Variants in PTPRG observed in about 807,000 individuals in gnomAD.
PTPRG encodes the protein protein tyrosine phosphatase receptor type G, also known as receptor-type tyrosine-protein phosphatase gamma.
In PTPRG, 102 loss-of-function variants were observed where a neutral mutation model predicts 165.3. That is an observed-to-expected ratio of 0.62 (90% confidence interval 0.53 to 0.73). The LOEUF is 0.73. Ranked by LOEUF, PTPRG falls within the 30% of genes least tolerant of loss-of-function variation. The pLI is 0.00. For synonymous variants in PTPRG, 675 were observed against 669.5 expected, an observed-to-expected ratio of 1.01 and a Z score of -0.13; for missense variants, 1,866 against 1,861.4, an observed-to-expected ratio of 1.00 and a Z score of -0.05.
intron 2 of PTPRG, among the ~76,000 whole-genome samples, chr3:61,777,114 A>G (rs2034406770): frequency 6.6e-6 from 1 of 152,176 alleles, no homozygotes; most frequent in Non-Finnish European, 1.5e-5. Flanking sequence ...GAATATCAGA[A>G]ATGACATTTC....
At chr3:61,950,226 T>A (rs1218044572) in intron 2 of PTPRG, among the ~76,000 whole-genome samples, 3 of 152,200 alleles carry the variant, frequency 2.0e-5, no homozygotes, top group Non-Finnish European at 4.4e-5. Flanking sequence ...TTCCTCACAT[T>A]CTTTTCCCCC....
chr3:62,227,470 A>G (rs1700788759), intron 13 of PTPRG, among the ~76,000 whole-genome samples: 1 of 152,242 alleles, frequency 6.6e-6, no homozygotes, highest in Admixed American at 6.5e-5. Flanking sequence ...TTAATCCTCC[A>G]GCAGCCATGT....
chr3:61,880,622 C>CAAAAA (rs35846878), intron 2 of PTPRG, among the ~76,000 whole-genome samples: 5 of 80,212 alleles, frequency 6.2e-5, no homozygotes, highest in South Asian at 4.4e-4. Flanking sequence ...AACCCTGTCT[C>CAAAAA]AAAAAAAAAA....
At chr3:61,587,158 A>G (rs1178782690) in intron 1 of PTPRG, among the ~76,000 whole-genome samples, 1 of 152,230 alleles carries the variant, frequency 6.6e-6, no homozygotes, top group Non-Finnish European at 1.5e-5. Context: ...ATTGTGTAAA[A>G]TAGAAATGTA....
intron 4 of PTPRG, among the ~76,000 whole-genome samples, chr3:62,024,166 T>G (rs954081319): frequency 2.0e-5 from 3 of 152,174 alleles, no homozygotes; most frequent in African/African-American, 7.2e-5. Context: ...ATGTGTACAT[T>G]ATGGAATGTC....
At chr3:61,913,345 G>A (rs1221186699) in intron 2 of PTPRG, among the ~76,000 whole-genome samples, 3 of 151,906 alleles carry the variant, frequency 2.0e-5, no homozygotes, top group African/African-American at 7.3e-5. Flanking sequence ...TCAGCCTCCC[G>A]AGTAGCTGGG....
intron 2 of PTPRG, among the ~76,000 whole-genome samples, chr3:61,879,645 A>G (rs1394944555): frequency 2.0e-5 from 3 of 152,202 alleles, no homozygotes; most frequent in South Asian, 2.1e-4. Context: ...AATAATTTCT[A>G]TATACAAGAG....
chr3:62,193,469 T>A (rs1308079337), intron 9 of PTPRG, among the ~76,000 whole-genome samples: 1 of 152,234 alleles, frequency 6.6e-6, no homozygotes, highest in African/African-American at 2.4e-5. Context: ...TTTTTCTAAT[T>A]CCTCAGCGAG....
chr3:62,227,851 T>C (rs1009626990), intron 13 of PTPRG, among the ~76,000 whole-genome samples: 1 of 152,224 alleles, frequency 6.6e-6, no homozygotes, highest in Non-Finnish European at 1.5e-5. Context: ...CATGTTTTTT[T>C]AAAATCTTGA....
intron 1 of PTPRG, among the ~76,000 whole-genome samples, chr3:61,571,808 A>C (rs1700063306): frequency 6.6e-6 from 1 of 152,198 alleles, no homozygotes; most frequent in Admixed American, 6.5e-5. Context: ...ACTTCAGGAA[A>C]GGTCTGAGGG....
intron 4 of PTPRG, among the ~76,000 whole-genome samples, chr3:62,029,542 A>G (rs1699694686): frequency 6.6e-6 from 1 of 152,204 alleles, no homozygotes; most frequent in Non-Finnish European, 1.5e-5. Context: ...TTTATTTATT[A>G]ATTTATCCAT....
intron 1 of PTPRG, among the ~76,000 whole-genome samples, chr3:61,581,253 G>T (rs1412116384): frequency 6.6e-6 from 1 of 152,118 alleles, no homozygotes; most frequent in East Asian, 1.9e-4. Context: ...AAGTTGCCAG[G>T]GTTTGTTTTT....
Position 61,905,273 on chromosome 3 carries a change from A to G in PTPRG, c.191-84352A>G, listed in dbSNP as rs2107528642. On this transcript the variant is annotated intron_variant, in intron 2 of 29. Transcript: ENST00000474889. Reference sequence around the variant, plus strand: ...TAGGGACATAGGGAGCTTGACTGTGATTCCAAGTATGTGGTGAGCTCACAA... The same window carrying G: ...TAGGGACATAGGGAGCTTGACTGTGGTTCCAAGTATGTGGTGAGCTCACAA... 3.3e-5 allele frequency among the ~76,000 whole-genome samples: 5 copies of G among 152,262 alleles called. No individual in the cohort carries two copies. The South Asian group carries it at 1.0e-3, about 32-fold the overall frequency.
chr3:61,588,307 T>G (rs867844478), intron 1 of PTPRG, among the ~76,000 whole-genome samples: 1 of 152,300 alleles, frequency 6.6e-6, no homozygotes, highest in Middle Eastern at 3.4e-3. Flanking sequence ...CATACTTTCC[T>G]AAATTACAGT....
At chr3:61,802,587 T>C (rs1013515333) in intron 2 of PTPRG, among the ~76,000 whole-genome samples, 1 of 152,250 alleles carries the variant, frequency 6.6e-6, no homozygotes, top group Non-Finnish European at 1.5e-5. Flanking sequence ...TGCATTCTCA[T>C]TGGAGCCTAT....
intron 2 of PTPRG, among the ~76,000 whole-genome samples, chr3:61,981,150 G>A (rs1392714680): frequency 1.3e-5 from 2 of 152,046 alleles, no homozygotes; most frequent in Non-Finnish European, 2.9e-5. Context: ...GCCCAGCACA[G>A]GGGGAGACCC....
At chr3:62,111,435 G>T (rs67058930) in intron 5 of PTPRG, among the ~76,000 whole-genome samples, 13,685 of 152,240 alleles carry the variant, frequency 0.09, 746 homozygotes, top group South Asian at 0.12. Context: ...AAAGACTGAA[G>T]TAAAAAGAAT....
At chr3:62,230,943 A>T (rs1700888628) in intron 13 of PTPRG, among the ~76,000 whole-genome samples, 1 of 152,202 alleles carries the variant, frequency 6.6e-6, no homozygotes, top group Admixed American at 6.5e-5. Flanking sequence ...TGTGTTTGTG[A>T]TATCCTAACC....
intron 4 of PTPRG, among the ~76,000 whole-genome samples, chr3:62,072,778 C>T (rs1701253281): frequency 6.6e-6 from 1 of 152,104 alleles, no homozygotes; most frequent in African/African-American, 2.4e-5. Context: ...GGTTCATCGA[C>T]CTTTAAGCTA....
Sources: allele counts gnomAD v4.1 joint callset (sites outside exome capture counted in the v4.1 genomes callset), GRCh38; gene constraint gnomAD v4.1.1; transcripts MANE v1.5; gene names NCBI Gene and HGNC (gene_info 2026-07-23, HGNC 2026-07-21).